Variants in SURF4 observed in about 807,000 individuals in gnomAD.
The protein encoded by SURF4 is surfeit 4, also known as surfeit locus protein 4.
A neutral mutation model predicts 30.0 loss-of-function variants in SURF4; 3 were observed. The ratio of observed to expected loss-of-function variants is 0.10; its 90% CI spans 0.05 to 0.26. The LOEUF is 0.26. SURF4 is among the 10% of genes least tolerant of loss of function. The pLI is 1.00. For synonymous variants in SURF4, 143 were observed against 139.9 expected, an observed-to-expected ratio of 1.02 and a Z score of -0.16; for missense variants, 217 against 350.8, an observed-to-expected ratio of 0.62 and a Z score of 3.05.
intron 1 of SURF4, chr9:133,372,596 C>A (rs1367354085): frequency 1.0e-6 from 1 of 985,358 alleles, no homozygotes; most frequent in African/African-American, 1.7e-5. Flanking sequence ...TTAGGTCTTG[C>A]TTTCAGCAGC....
At chr9:133,377,908 C>T (rs2130255951), upstream of SURF4, among the ~76,000 whole-genome samples, 63 of 152,102 alleles carry the variant, frequency 4.1e-4, no homozygotes, top group African/African-American at 1.4e-3. Context: ...ACCATCCTCT[C>T]GGGATGATGG....
In SURF4 at chr9:133,375,934, G is replaced by T; in HGVS notation, c.36C>A (p.Asp12Glu). 1 of 1,232,018 alleles carries T rather than the reference G, an allele frequency of 8.1e-7. No homozygotes were observed. Among genetic ancestry groups the T allele is most frequent in the Non-Finnish European group, 1.0e-6 (1 of 983,680 alleles). 76.3% of individuals were successfully genotyped at this position (1,232,018 alleles called of 1,614,324 possible). The change falls in exon 1 of 6, where the codon GAC becomes GAA. Residue 12 changes from aspartate (D) to glutamate (E), a missense_variant. Coordinates refer to ENST00000371989, the MANE Select transcript of SURF4 (RefSeq NM_033161.4). ...GQNDLMGTAE[D>E]FADQFLRVTK... ...CCGCAGGCCGCACCTGGTCGGCGAA[G>T]TCCTCGGCCGTGCCCATCAGGTCGT... is the stretch of plus-strand genomic sequence containing the variant.
At chr9:133,364,344 A>G (rs1241784853) in intron 5 of SURF4, among the ~76,000 whole-genome samples, 1 of 152,234 alleles carries the variant, frequency 6.6e-6, no homozygotes, top group Non-Finnish European at 1.5e-5. Context: ...TGCTGGAAAG[A>G]AGGCTTGACA....
intron 1 of SURF4, among the ~76,000 whole-genome samples, chr9:133,371,757 T>G (rs1837520298): frequency 6.6e-6 from 1 of 152,160 alleles, no homozygotes; most frequent in African/African-American, 2.4e-5. Context: ...CAGCATGGTG[T>G]TCATCGGGAC....
At chr9:133,373,410 C>T (rs1837621536) in intron 1 of SURF4, among the ~76,000 whole-genome samples, 1 of 152,164 alleles carries the variant, frequency 6.6e-6, no homozygotes, top group Non-Finnish European at 1.5e-5. Context: ...GCCTGGACAA[C>T]ATGACAACAT....
intron 4 of SURF4, among the ~76,000 whole-genome samples, chr9:133,365,427 C>T (rs1207089502): frequency 1.3e-5 from 2 of 152,160 alleles, no homozygotes; most frequent in Non-Finnish European, 2.9e-5. Flanking sequence ...ATTCTAGGGG[C>T]TCTGCAACAT....
At chr9:133,373,605 A>G (rs1366943805) in intron 1 of SURF4, among the ~76,000 whole-genome samples, 3 of 151,458 alleles carry the variant, frequency 2.0e-5, no homozygotes, top group Non-Finnish European at 4.4e-5. Context: ...TCTGTCTCCA[A>G]AAAAAACATA....
At chr9:133,366,564 A>G (rs2130127419) in intron 3 of SURF4, 35 bp downstream of exon 3, 1 of 1,609,444 alleles carries the variant, frequency 6.2e-7, no homozygotes, top group East Asian at 2.2e-5. Flanking sequence ...CACCAGAGCA[A>G]AGAGAAGGGA....
upstream of SURF4, chr9:133,376,522 G>C (rs2130248822): frequency 1.2e-6 from 2 of 1,601,652 alleles, no homozygotes; most frequent in African/African-American, 2.7e-5. Flanking sequence ...GGGGGAGCGA[G>C]GCCCAGGGTC....
intron 1 of SURF4, among the ~76,000 whole-genome samples, chr9:133,369,754 C>T (rs139792698): frequency 1.9e-3 from 297 of 152,376 alleles, no homozygotes; most frequent in African/African-American, 6.8e-3. Flanking sequence ...CCGTGGCACA[C>T]GATGTGCCAC....
chr9:133,372,611 A>T (rs1380636324), intron 1 of SURF4: 2 of 985,414 alleles, frequency 2.0e-6, no homozygotes, highest in Non-Finnish European at 2.4e-6. Context: ...AGCAGCCCAC[A>T]CTTTCTGGTC....
intron 3 of SURF4, 74 bp from the exon 4 acceptor site, chr9:133,366,102 T>C (rs2130123654): frequency 2.6e-4 from 373 of 1,447,098 alleles, no homozygotes; most frequent in Non-Finnish European, 3.3e-4. Context: ...CATAATACAT[T>C]AGGCCGTCTC....
intron 1 of SURF4, chr9:133,371,164 A>T: frequency 4.1e-6 from 4 of 983,766 alleles, no homozygotes; most frequent in Non-Finnish European, 4.8e-6. Context: ...GAAATTGAGG[A>T]AAGCAGCTTG....
chr9:133,376,320 G>A (rs2130246743), upstream of SURF4: 57 of 1,360,442 alleles, frequency 4.2e-5, no homozygotes, highest in African/African-American at 6.2e-5. Flanking sequence ...CCTTTTAAGG[G>A]GGCGGGGACC....
At chr9:133,375,775 G>A (rs1168131622) in intron 1 of SURF4, 147 bp downstream of exon 1, 3 of 842,754 alleles carry the variant, frequency 3.6e-6, no homozygotes, top group Admixed American at 9.1e-5. Flanking sequence ...AGCCGGGACA[G>A]AGGGCCCGGG....
intron 1 of SURF4, among the ~76,000 whole-genome samples, chr9:133,370,236 G>A (rs1055365248): frequency 6.6e-6 from 1 of 152,202 alleles, no homozygotes; most frequent in African/African-American, 2.4e-5. Context: ...GAGGATTAAA[G>A]AGCAAAAAAG....
upstream of SURF4, chr9:133,376,098 C>T: frequency 8.3e-7 from 1 of 1,203,846 alleles, no homozygotes; most frequent in Non-Finnish European, 1.0e-6. Context: ...GGCTGCGGCT[C>T]CAGCGGCTGC....
chr9:133,369,173 C>G (rs1423577025), intron 1 of SURF4, among the ~76,000 whole-genome samples: 1 of 152,172 alleles, frequency 6.6e-6, no homozygotes, highest in African/African-American at 2.4e-5. Context: ...GATTACAAAG[C>G]CAGGTGGCCA....
At chr9:133,373,911 A>AAG (rs1837678886) in intron 1 of SURF4, among the ~76,000 whole-genome samples, 1 of 116,290 alleles carries the variant, frequency 8.6e-6, no homozygotes, top group Non-Finnish European at 1.6e-5. Flanking sequence ...TTCTGTCTCA[A>AAG]AAAAAAAAAA....
Sources: gnomAD v4.1 joint callset for allele counts (sites outside exome capture counted in the v4.1 genomes callset) on GRCh38, gnomAD v4.1.1 for gene constraint, MANE v1.5 for transcripts, NCBI Gene and HGNC (gene_info 2026-07-23, HGNC 2026-07-21) for gene names.